The following KIF16B variants were observed in gnomAD, a reference collection of about 807,000 sequenced individuals.
The protein encoded by KIF16B is kinesin-like protein KIF16B.
A neutral mutation model predicts 156.3 loss-of-function variants in KIF16B; 98 were observed. The ratio of observed to expected loss-of-function variants is 0.63; its 90% CI spans 0.53 to 0.74. The LOEUF (loss-of-function observed/expected upper bound fraction) is 0.74. Ranked by LOEUF, KIF16B falls within the 30% of genes least tolerant of loss-of-function variation. The pLI is 0.00. For missense variants in KIF16B, 1,421 were observed against 1,606.5 expected, an observed-to-expected ratio of 0.88 and a Z score of 1.97; for synonymous variants, 564 against 583.7, an observed-to-expected ratio of 0.97 and a Z score of 0.49.
chr20:16,553,083 T>C (rs575406717), intron 1 of KIF16B, among the ~76,000 whole-genome samples: 1 of 152,296 alleles, frequency 6.6e-6, no homozygotes, highest in Non-Finnish European at 1.5e-5. Context: ...TAATTTCTAA[T>C]GTGGCCTCCC....
chr20:16,462,720 C>T (rs1293368726), intron 12 of KIF16B, among the ~76,000 whole-genome samples: 1 of 152,084 alleles, frequency 6.6e-6, no homozygotes, highest in African/African-American at 2.4e-5. Flanking sequence ...AAAGCAGCCC[C>T]AAAATCATTG....
At chr20:16,341,593 A>G (rs1020022920) in intron 23 of KIF16B, among the ~76,000 whole-genome samples, 1 of 152,246 alleles carries the variant, frequency 6.6e-6, no homozygotes, top group Non-Finnish European at 1.5e-5. Flanking sequence ...ACAGACCTCA[A>G]TGACTTCTGC....
In KIF16B at chr20:16,526,092, C is replaced by A. The variant is rs796311347; in HGVS notation, c.231G>T (p.Met77Ile). 1.3e-6 allele frequency: 2 copies of A among 1,509,182 alleles called. No homozygotes were observed. The highest frequency in any genetic ancestry group is 1.8e-6 in the Non-Finnish European group (2 of 1,095,392). The allele number at this position is 1,509,182 out of a possible 1,614,324, so 93.5% of individuals were successfully genotyped here. Residue 77 changes from methionine (M) to isoleucine (I), a missense_variant and splice_region_variant, in exon 3 of 26, where the codon ATG becomes ATT. Met to Ile is a conservative substitution (Grantham distance 10). Coordinates refer to ENST00000354981, the MANE Select transcript of KIF16B (RefSeq NM_024704.5). ...TAAATATTTTGAAAATATCATATAC[C>A]ATTTCTTGTGAAACGTAATCTGGGC... ...TKSPDYVSQE[M>I]VFKTLGTDVV... is the part of the protein sequence containing the mutation.
chr20:16,432,328 A>T (rs1271767249), intron 12 of KIF16B, among the ~76,000 whole-genome samples: 1 of 152,152 alleles, frequency 6.6e-6, no homozygotes. Context: ...TCCAACCACT[A>T]ACTGGGGATC....
chr20:16,440,685 C>T (rs141128550), intron 12 of KIF16B, among the ~76,000 whole-genome samples: 29 of 152,144 alleles, frequency 1.9e-4, no homozygotes, highest in Non-Finnish European at 3.2e-4. Flanking sequence ...CACCAACAAA[C>T]CTAAATGTCC....
chr20:16,289,558 A>C (rs6043862), intron 25 of KIF16B, among the ~76,000 whole-genome samples: 3 of 152,066 alleles, frequency 2.0e-5, no homozygotes, highest in Non-Finnish European at 4.4e-5. Context: ...CCTTTATTTA[A>C]AGAGTTGTGT....
At chr20:16,402,983 T>C (rs1005768475) in intron 17 of KIF16B, among the ~76,000 whole-genome samples, 1 of 152,184 alleles carries the variant, frequency 6.6e-6, no homozygotes, top group Admixed American at 6.5e-5. Flanking sequence ...CGTATATATG[T>C]AAGGCAAAGA....
intron 25 of KIF16B, among the ~76,000 whole-genome samples, chr20:16,292,397 T>C (rs1057291992): frequency 1.3e-5 from 2 of 151,956 alleles, no homozygotes; most frequent in Non-Finnish European, 2.9e-5. Flanking sequence ...AACTGACACA[T>C]ATAGAAGAAA....
chr20:16,424,951 A>G (rs1443911722), intron 15 of KIF16B, among the ~76,000 whole-genome samples: 1 of 152,184 alleles, frequency 6.6e-6, no homozygotes, highest in Non-Finnish European at 1.5e-5. Context: ...CTTGTTAGCA[A>G]TATAGGTACT....
At chr20:16,403,044 A>G (rs987474812) in intron 17 of KIF16B, among the ~76,000 whole-genome samples, 1 of 152,214 alleles carries the variant, frequency 6.6e-6, no homozygotes, top group Non-Finnish European at 1.5e-5. Flanking sequence ...GAGTGAAGAT[A>G]GCGTTTTGGT....
intron 12 of KIF16B, among the ~76,000 whole-genome samples, chr20:16,489,211 T>TG (rs1169061635): frequency 1.3e-5 from 2 of 152,162 alleles, no homozygotes; most frequent in Non-Finnish European, 2.9e-5. Flanking sequence ...CTGCAGGAGC[T>TG]GGGGCCTTGG....
At chr20:16,369,033 G>A (rs933950165) in intron 22 of KIF16B, 4 of 985,712 alleles carry the variant, frequency 4.1e-6, no homozygotes, top group Admixed American at 6.1e-5. Context: ...GACCATATTT[G>A]TTTTCACTGT....
At chr20:16,452,977 G>A (rs1011015951) in intron 12 of KIF16B, among the ~76,000 whole-genome samples, 1 of 152,102 alleles carries the variant, frequency 6.6e-6, no homozygotes, top group African/African-American at 2.4e-5. Context: ...CAACCAGATA[G>A]CCATTTAGAA....
intron 12 of KIF16B, among the ~76,000 whole-genome samples, chr20:16,481,623 ACACTTT>A (rs2067986373): frequency 6.6e-6 from 1 of 152,212 alleles, no homozygotes; most frequent in Non-Finnish European, 1.5e-5. Flanking sequence ...GAATGCCAGC[ACACTTT>A]CACTCTAATT....
intron 25 of KIF16B, among the ~76,000 whole-genome samples, chr20:16,285,078 G>C (rs918205847): frequency 2.0e-5 from 3 of 152,270 alleles, no homozygotes; most frequent in African/African-American, 7.2e-5. Context: ...AATGTGGCTG[G>C]TGAGACTGAG....
intron 12 of KIF16B, among the ~76,000 whole-genome samples, chr20:16,450,578 C>T (rs748487788): frequency 6.6e-6 from 1 of 152,210 alleles, no homozygotes; most frequent in Non-Finnish European, 1.5e-5. Flanking sequence ...TCCTCCACGT[C>T]CCACGTGCCT....
At chr20:16,299,277 G>A (rs998826345) in intron 25 of KIF16B, among the ~76,000 whole-genome samples, 1 of 152,020 alleles carries the variant, frequency 6.6e-6, no homozygotes, top group Middle Eastern at 3.2e-3. Context: ...CATGATGACT[G>A]TATGTTGAAG....
chr20:16,472,704 G>A (rs6034486), intron 12 of KIF16B, among the ~76,000 whole-genome samples: 33,566 of 151,812 alleles, frequency 0.22, 3,800 homozygotes, highest in Admixed American at 0.26. Context: ...GTCATGCCAC[G>A]CGCTCTCACT....
intron 25 of KIF16B, among the ~76,000 whole-genome samples, chr20:16,277,909 C>T (rs1488702524): frequency 6.6e-6 from 1 of 152,200 alleles, no homozygotes; most frequent in African/African-American, 2.4e-5. Context: ...AGGCCTGCAG[C>T]TCTTGTTCAC....
Sources: gnomAD v4.1 joint callset for allele counts (sites outside exome capture counted in the v4.1 genomes callset) on GRCh38, gnomAD v4.1.1 for gene constraint, MANE v1.5 for transcripts, NCBI Gene and HGNC (gene_info 2026-07-23, HGNC 2026-07-21) for gene names.